Variants in CPED1 observed in about 807,000 individuals in gnomAD.
CPED1 encodes cadherin like and PC-esterase domain containing 1.
CPED1 carries 114 observed loss-of-function variants against 128.2 expected under a neutral mutation model. The ratio of observed to expected loss-of-function variants is 0.89; its 90% CI spans 0.76 to 1.04. The LOEUF is 1.04. CPED1 is among the 50% of genes least tolerant of loss of function. The pLI is 0.00. For missense variants in CPED1, 1,211 were observed against 1,207.1 expected (o/e 1.00, Z -0.05); for synonymous variants, 462 against 426.7 (o/e 1.08, Z -1.02).
chr7:121,070,341 T>C (rs1374237854), intron 5 of CPED1, among the ~76,000 whole-genome samples: 1 of 151,972 alleles, frequency 6.6e-6, no homozygotes, highest in Non-Finnish European at 1.5e-5. Context: ...TTCTCTGTGT[T>C]CTCAAATCCT....
rs1584638986 is a variant in CPED1 at position 121,260,294 on chromosome 7, T to C, written c.2311-5933T>C. Reference sequence around the variant, plus strand: ...GTGATTTGCCTAAGTGTCAATCTTATATTTGTTTTTGACTGCAAACATCAA... The same window carrying C: ...GTGATTTGCCTAAGTGTCAATCTTACATTTGTTTTTGACTGCAAACATCAA... On this transcript the variant is annotated intron_variant, in intron 18 of 22. Transcript: ENST00000310396. Among the ~76,000 whole-genome samples, 3 of 148,690 alleles carry C rather than the reference T, an allele frequency of 2.0e-5. No homozygotes were observed. The South Asian group carries it at 6.7e-4, about 33-fold the overall frequency.
chr7:121,226,276 C>G (rs773822829), intron 16 of CPED1, among the ~76,000 whole-genome samples: 1 of 152,050 alleles, frequency 6.6e-6, no homozygotes, highest in Non-Finnish European at 1.5e-5. Context: ...TAGAAGTCCA[C>G]TCCAGATCCT....
chr7:121,167,687 A>G (rs372304518), intron 16 of CPED1, among the ~76,000 whole-genome samples: 1 of 151,294 alleles, frequency 6.6e-6, no homozygotes, highest in African/African-American at 2.4e-5. Flanking sequence ...GAAGAAAACT[A>G]CTAGAACCCA....
In CPED1 at chr7:121,280,420, A is replaced by G. The variant is rs545228164; in HGVS notation, c.2868+8990A>G. On this transcript the variant is annotated intron_variant, in intron 22 of 22. Transcript: ENST00000310396. ...ACCTCAGAGCAGAATTTGTTCCCAG[A>G]GCCAACGCTCAGCGTTGTCCAAGGG... Among the ~76,000 whole-genome samples the G allele has an allele frequency of 2.6e-5, 4 of 152,318 alleles. No homozygotes were observed. In the South Asian group the frequency reaches 8.3e-4, roughly 32 times the overall value.
chr7:121,066,858 G>A (rs913037549), intron 5 of CPED1, among the ~76,000 whole-genome samples: 3 of 152,078 alleles, frequency 2.0e-5, no homozygotes, highest in African/African-American at 7.2e-5. Context: ...GTTCCAAAAA[G>A]CAAAACTTGA....
intron 2 of CPED1, among the ~76,000 whole-genome samples, chr7:121,015,010 A>T (rs149509761): frequency 1.3e-5 from 2 of 152,212 alleles, no homozygotes; most frequent in African/African-American, 2.4e-5. Context: ...TTCAATTTCC[A>T]TTGTGAGAAA....
intron 16 of CPED1, among the ~76,000 whole-genome samples, chr7:121,232,590 A>C (rs1798163078): frequency 6.6e-6 from 1 of 152,114 alleles, no homozygotes; most frequent in Non-Finnish European, 1.5e-5. Context: ...TTATCTCCCC[A>C]GGAATGTCAG....
In CPED1 at chr7:121,236,814, C is replaced by T. The variant is rs376693936; in HGVS notation, c.2156C>T (p.Pro719Leu). 2.5e-6 allele frequency: 4 copies of T among 1,579,504 alleles called. No individual in the cohort carries two copies. The highest frequency in any genetic ancestry group is 2.7e-5 in the African/African-American group (2 of 74,006). ...TTACAGTCTGAACTAAAAAGATGTC[C>T]ATCTGGGGACATGAAAGGTGACTAT... ...AILQSELKRC[P>L]SGDMKGQWIV... is the part of the protein sequence containing the mutation. The change falls in exon 17 of 23, where the codon CCA (proline) becomes CTA (leucine). Residue 719 changes from proline (P) to leucine (L), a missense_variant. Pro to Leu is a moderately conservative substitution (Grantham distance 98, BLOSUM62 -3). Coordinates refer to ENST00000310396, the MANE Select transcript of CPED1 (RefSeq NM_024913.5).
chr7:120,996,209 G>C lies in CPED1; in HGVS notation c.249+6339G>C, dbSNP rs1261368610. Among the ~76,000 whole-genome samples the C allele has an allele frequency of 5.3e-5, 8 of 152,080 alleles. 1 individual carries two copies. The highest frequency in any genetic ancestry group is 9.7e-5 in the African/African-American group (4 of 41,404). On this transcript the variant is annotated intron_variant, in intron 2 of 22. Coordinates refer to ENST00000310396, the MANE Select transcript of CPED1 (RefSeq NM_024913.5). ...CAAGGTGGGAGGATTGCTTGAGCCAGGGATGTCAAGGCTGCAGTGACCTGT... is the reference window on the plus strand; with the variant it reads ...CAAGGTGGGAGGATTGCTTGAGCCACGGATGTCAAGGCTGCAGTGACCTGT...
intron 3 of CPED1, among the ~76,000 whole-genome samples, chr7:121,037,667 G>A (rs925203495): frequency 7.2e-5 from 11 of 152,034 alleles, no homozygotes; most frequent in African/African-American, 2.7e-4. Flanking sequence ...TTCTAGTTCT[G>A]TGAAGAATGA....
intron 14 of CPED1, among the ~76,000 whole-genome samples, chr7:121,137,839 T>A (rs1279422925): frequency 2.6e-5 from 4 of 152,024 alleles, no homozygotes; most frequent in African/African-American, 9.7e-5. Flanking sequence ...AGTGAACACT[T>A]GTTGAGGGTC....
At chr7:121,065,234 C>T (rs545511175) in intron 5 of CPED1, among the ~76,000 whole-genome samples, 93 of 152,206 alleles carry the variant, frequency 6.1e-4, no homozygotes, top group Middle Eastern at 3.4e-3. Context: ...ATAAAATAAT[C>T]TCAATTCAAC....
intron 16 of CPED1, among the ~76,000 whole-genome samples, chr7:121,171,350 A>T (rs1796645296): frequency 6.6e-6 from 1 of 152,198 alleles, no homozygotes; most frequent in African/African-American, 2.4e-5. Flanking sequence ...TCAAATGAAA[A>T]ATGTAATGTC....
chr7:121,118,465 C>T (rs13233613), intron 7 of CPED1, among the ~76,000 whole-genome samples: 1 of 149,888 alleles, frequency 6.7e-6, no homozygotes, highest in Non-Finnish European at 1.5e-5. Flanking sequence ...GAGGCTGAGG[C>T]AGGAGAATCA....
chr7:121,266,070 G>A (rs577129882), intron 18 of CPED1, among the ~76,000 whole-genome samples, 157 bp from the exon 19 acceptor site: 32 of 152,052 alleles, frequency 2.1e-4, no homozygotes, highest in South Asian at 6.2e-4. Context: ...AACAGGTTTG[G>A]GAGAGAATAT....
At chr7:121,277,160 C>A (rs1057310521) in intron 22 of CPED1, among the ~76,000 whole-genome samples, 1 of 151,962 alleles carries the variant, frequency 6.6e-6, no homozygotes, top group African/African-American at 2.4e-5. Context: ...TTGTGGCATG[C>A]AGGAGTGGGA....
intron 16 of CPED1, among the ~76,000 whole-genome samples, chr7:121,197,656 C>T (rs574734632): frequency 1.1e-4 from 16 of 151,940 alleles, no homozygotes; most frequent in African/African-American, 2.4e-4. Flanking sequence ...TTTGTGCATG[C>T]GCATGTATGT....
At chr7:121,062,845 G>A (rs1246986733) in intron 4 of CPED1, 1 of 151,988 alleles carries the variant, frequency 6.6e-6, no homozygotes, top group African/African-American at 2.4e-5. Flanking sequence ...GTTTTATAAG[G>A]GATTTTCCCT....
chr7:121,065,384 CAT>C (rs1206650277), intron 5 of CPED1, among the ~76,000 whole-genome samples: 3 of 151,814 alleles, frequency 2.0e-5, no homozygotes, highest in African/African-American at 4.8e-5. Flanking sequence ...AGTTTTTCAT[CAT>C]ATGAAAAAAG....
Sources: gnomAD v4.1 joint callset for allele counts (sites outside exome capture counted in the v4.1 genomes callset) on GRCh38, gnomAD v4.1.1 for gene constraint, MANE v1.5 for transcripts, NCBI Gene and HGNC (gene_info 2026-07-23, HGNC 2026-07-21) for gene names.